The following EXOC4 variants were observed in gnomAD, a reference collection of about 807,000 sequenced individuals.
EXOC4 encodes exocyst complex component 4, also known as SEC8-like 1.
Under a neutral mutation model 107.2 loss-of-function variants are expected in EXOC4, and 71 were observed. The observed-to-expected ratio is 0.66, with a 90% CI of 0.55 to 0.81. The LOEUF (loss-of-function observed/expected upper bound fraction) is 0.81, where lower values mean the gene tolerates loss of function less well. Among genes scored for constraint, EXOC4 ranks in the 30% least tolerant of loss-of-function variants. EXOC4 has a pLI of 0.00. For synonymous variants in EXOC4, 456 were observed against 441.2 expected, an observed-to-expected ratio of 1.03 and a Z score of -0.42; for missense variants, 1,108 against 1,189.6, an observed-to-expected ratio of 0.93 and a Z score of 1.01.
chr7:133,307,369 G>T (rs530730284), intron 4 of EXOC4, among the ~76,000 whole-genome samples: 3 of 152,290 alleles, frequency 2.0e-5, no homozygotes, highest in Non-Finnish European at 4.4e-5. Flanking sequence ...GTGAATAGGG[G>T]AAGTGCTAAG....
chr7:133,909,244 G>A (rs1292017186), intron 12 of EXOC4, among the ~76,000 whole-genome samples: 1 of 152,168 alleles, frequency 6.6e-6, no homozygotes, highest in Non-Finnish European at 1.5e-5. Flanking sequence ...GTGAAGAAGT[G>A]AATTGACTAG....
intron 17 of EXOC4, among the ~76,000 whole-genome samples, chr7:134,028,464 T>G (rs1017520913): frequency 3.3e-5 from 5 of 152,204 alleles, no homozygotes; most frequent in Admixed American, 6.5e-5. Flanking sequence ...AAACAAAATA[T>G]AAGAACCGCA....
intron 9 of EXOC4, among the ~76,000 whole-genome samples, chr7:133,549,986 C>T (rs1800554790): frequency 6.6e-6 from 1 of 152,110 alleles, no homozygotes. Context: ...TTTCCATAGC[C>T]ATAAGTTGTA....
At chr7:134,033,093 A>G (rs1470838966) in intron 17 of EXOC4, among the ~76,000 whole-genome samples, 2 of 152,188 alleles carry the variant, frequency 1.3e-5, no homozygotes, top group African/African-American at 4.8e-5. Flanking sequence ...AACATTGTTA[A>G]TGGATAAAGT....
intron 17 of EXOC4, among the ~76,000 whole-genome samples, chr7:134,027,311 G>A (rs1795161029): frequency 6.6e-6 from 1 of 152,164 alleles, no homozygotes; most frequent in Non-Finnish European, 1.5e-5. Flanking sequence ...CCGCACTTCT[G>A]TCTGAGAAAG....
intron 11 of EXOC4, among the ~76,000 whole-genome samples, chr7:133,853,712 G>T (rs1798289441): frequency 6.6e-6 from 1 of 152,060 alleles, no homozygotes; most frequent in Non-Finnish European, 1.5e-5. Flanking sequence ...GATACAGTTA[G>T]CCAGTGTTTA....
At chr7:133,396,699 C>T (rs956907455) in intron 7 of EXOC4, among the ~76,000 whole-genome samples, 1 of 152,160 alleles carries the variant, frequency 6.6e-6, no homozygotes, top group Non-Finnish European at 1.5e-5. Context: ...CAGGCTTCCT[C>T]CTGGGACACT....
intron 7 of EXOC4, among the ~76,000 whole-genome samples, chr7:133,445,091 A>G (rs1584922938): frequency 6.6e-6 from 1 of 152,126 alleles, no homozygotes. Context: ...ACTGATTGAC[A>G]AGTTCCTCCT....
intron 10 of EXOC4, among the ~76,000 whole-genome samples, chr7:133,779,255 T>C (rs1018629562): frequency 6.6e-6 from 1 of 152,218 alleles, no homozygotes; most frequent in Non-Finnish European, 1.5e-5. Flanking sequence ...ATCATATAAG[T>C]GAGAGGTTTA....
chr7:133,965,900 A>G (rs112313562), intron 14 of EXOC4, among the ~76,000 whole-genome samples: 1,662 of 152,276 alleles, frequency 0.011, 27 homozygotes, highest in African/African-American at 0.034. Flanking sequence ...CATTGAATCT[A>G]TGAATTACTT....
chr7:133,874,703 A>G (rs1188869670), intron 11 of EXOC4, among the ~76,000 whole-genome samples: 2 of 152,272 alleles, frequency 1.3e-5, no homozygotes, highest in East Asian at 1.9e-4. Context: ...GAGCCTGCAC[A>G]TAGCGGAACA....
chr7:133,974,848 A>C, intron 14 of EXOC4, among the ~76,000 whole-genome samples: 1 of 152,240 alleles, frequency 6.6e-6, no homozygotes. Flanking sequence ...GTACTAACTG[A>C]AATAAAATTA....
At chr7:133,603,475 T>C (rs113596877) in intron 9 of EXOC4, among the ~76,000 whole-genome samples, 1 of 152,230 alleles carries the variant, frequency 6.6e-6, no homozygotes, top group African/African-American at 2.4e-5. Context: ...ATGGATGGTA[T>C]AGCCTACCAT....
intron 13 of EXOC4, among the ~76,000 whole-genome samples, chr7:133,931,515 G>A (rs1045086097): frequency 1.3e-5 from 2 of 152,048 alleles, no homozygotes; most frequent in African/African-American, 4.8e-5. Context: ...AGAATATATT[G>A]TTAATAATAT....
intron 6 of EXOC4, among the ~76,000 whole-genome samples, chr7:133,358,815 GA>G (rs1796078728): frequency 6.6e-6 from 1 of 151,418 alleles, no homozygotes; most frequent in East Asian, 1.9e-4. Context: ...ACCCCTTCCA[GA>G]ATTCACGAGT....
chr7:133,362,991 G>A (rs912608410), intron 6 of EXOC4, among the ~76,000 whole-genome samples: 19 of 152,158 alleles, frequency 1.2e-4, no homozygotes, highest in Admixed American at 8.5e-4. Flanking sequence ...ACCGCATGTA[G>A]CACCTGGACA....
chr7:133,625,788 T>C (rs952019544), intron 9 of EXOC4, among the ~76,000 whole-genome samples: 2 of 152,114 alleles, frequency 1.3e-5, no homozygotes, highest in Non-Finnish European at 2.9e-5. Flanking sequence ...CCATCATCAT[T>C]CGACATTTTC....
chr7:133,497,428 G>GTT (rs1220022922), intron 9 of EXOC4, among the ~76,000 whole-genome samples: 41 of 139,290 alleles, frequency 2.9e-4, no homozygotes, highest in Middle Eastern at 3.7e-3. Flanking sequence ...CTCTGTCAGT[G>GTT]TTTTTTTTTT....
At position 133,548,664 on chromosome 7, in the gene EXOC4, T is replaced by C. The variant is rs1475018086; in HGVS notation, c.1417+68526T>C. Among the ~76,000 whole-genome samples the C allele has an allele frequency of 2.6e-5, 4 of 152,216 alleles. No homozygotes were observed. The East Asian group carries it at 7.7e-4, about 29-fold the overall frequency. On this transcript the variant is annotated intron_variant, in intron 9 of 17. Coordinates refer to ENST00000253861, the MANE Select transcript of EXOC4 (RefSeq NM_021807.4). ...TTTCCTTAAACCTAATGAACCAGCC[T>C]CTGTTAGCTTCAAGCTTTTCTTCTG... is the stretch of plus-strand genomic sequence containing the variant.
Sources: gnomAD v4.1 joint callset for allele counts (sites outside exome capture counted in the v4.1 genomes callset) on GRCh38, gnomAD v4.1.1 for gene constraint, MANE v1.5 for transcripts, NCBI Gene and HGNC (gene_info 2026-07-23, HGNC 2026-07-21) for gene names.